Variants in CAMK2G observed in about 807,000 individuals in gnomAD.
CAMK2G encodes the protein calcium/calmodulin dependent protein kinase II gamma.
CAMK2G carries 23 observed loss-of-function variants against 88.7 expected under a neutral mutation model. The observed-to-expected ratio is 0.26, with a 90% CI of 0.19 to 0.37. The LOEUF is 0.37. Among genes scored for constraint, CAMK2G ranks in the 10% least tolerant of loss-of-function variants. The pLI is 1.00. For synonymous variants in CAMK2G, 263 were observed against 294.8 expected (o/e 0.89, Z 1.11); for missense variants, 476 against 780.8 (o/e 0.61, Z 4.65).
At chr10:73,844,222 T>A (rs564939813) in intron 10 of CAMK2G, among the ~76,000 whole-genome samples, 1 of 151,790 alleles carries the variant, frequency 6.6e-6, no homozygotes, top group East Asian at 1.9e-4. Flanking sequence ...GCCTCCCAAG[T>A]AGCTAAGGCA....
chr10:73,837,185 A>C, intron 14 of CAMK2G: 4 of 428,574 alleles, frequency 9.3e-6, no homozygotes, highest in Non-Finnish European at 1.7e-5. Flanking sequence ...CTGGAGATGA[A>C]GCATCCGTGT....
chr10:73,819,396 C>A, intron 19 of CAMK2G, 136 bp downstream of exon 19: 1 of 686,858 alleles, frequency 1.5e-6, no homozygotes, highest in Non-Finnish European at 2.6e-6. Context: ...TACCCCCCAC[C>A]CCCAGCAGAG....
intron 14 of CAMK2G, among the ~76,000 whole-genome samples, chr10:73,835,960 G>A (rs1241504614): frequency 2.0e-5 from 3 of 151,936 alleles, no homozygotes; most frequent in South Asian, 2.1e-4. Context: ...TCAGACTCCC[G>A]AGTGGCTGGG....
chr10:73,816,560 A>G (rs1336881477), intron 21 of CAMK2G: 2 of 665,042 alleles, frequency 3.0e-6, no homozygotes, highest in East Asian at 1.4e-4. Context: ...TCCCAGGTTC[A>G]CATCATTCTC....
chr10:73,870,511 C>T (rs1390322831), intron 2 of CAMK2G, among the ~76,000 whole-genome samples: 1 of 152,188 alleles, frequency 6.6e-6, no homozygotes, highest in Non-Finnish European at 1.5e-5. Context: ...AACAGGTGAT[C>T]CCTCTCCCTG....
chr10:73,870,667 C>T (rs542398095), intron 2 of CAMK2G, among the ~76,000 whole-genome samples: 1 of 152,224 alleles, frequency 6.6e-6, no homozygotes, highest in Non-Finnish European at 1.5e-5. Flanking sequence ...TTCAGACCTT[C>T]ACAGATGACC....
chr10:73,860,140 C>T (rs1336478131), intron 3 of CAMK2G, among the ~76,000 whole-genome samples: 3 of 152,232 alleles, frequency 2.0e-5, no homozygotes, highest in African/African-American at 7.2e-5. Context: ...TCAGGGCCAA[C>T]GCTTTTGGCA....
At chr10:73,840,117 A>G (rs925635880) in intron 12 of CAMK2G, among the ~76,000 whole-genome samples, 1 of 152,006 alleles carries the variant, frequency 6.6e-6, no homozygotes, top group Non-Finnish European at 1.5e-5. Flanking sequence ...TTGTGCAGCT[A>G]AGTTTACTGG....
chr10:73,827,477 C>T (rs2091332026), intron 15 of CAMK2G, among the ~76,000 whole-genome samples: 2 of 152,080 alleles, frequency 1.3e-5, no homozygotes, highest in South Asian at 4.2e-4. Flanking sequence ...TCGCGCCCGG[C>T]CCCCACCTCT....
chr10:73,841,989 CCT>C (rs2134410639), intron 12 of CAMK2G, 178 bp downstream of exon 12: 1 of 639,736 alleles, frequency 1.6e-6, no homozygotes, highest in East Asian at 2.6e-5. Flanking sequence ...AGTCCAGCCC[CCT>C]GAATCTCAGG....
chr10:73,829,700 G>GGTGTGTGTGTGT lies in CAMK2G; in HGVS notation c.1054-1591_1054-1580dup, dbSNP rs60725888. ...TTATATTCATATATATAAGTAGTGG[G>GGTGTGTGTGTGT]GTGTGTGTGTGTGTGTGTGTGTGTG... is the stretch of plus-strand genomic sequence containing the variant. On this transcript the variant is annotated intron_variant, in intron 14 of 22. Transcript: ENST00000423381. Among the ~76,000 whole-genome samples, 467 of 138,436 alleles carry GGTGTGTGTGTGT rather than the reference G, an allele frequency of 3.4e-3. 4 individuals carry two copies. Among genetic ancestry groups the GGTGTGTGTGTGT allele is most frequent in the African/African-American group, 0.012 (445 of 36,974 alleles). The allele number at this position is 138,436 out of a possible 152,430, so 90.8% of individuals were successfully genotyped here. A position where few individuals can be genotyped will look rare whatever the true frequency, so the allele number is the denominator to read the frequency against.
chr10:73,873,292 G>A, intron 1 of CAMK2G: 1 of 1,263,258 alleles, frequency 7.9e-7, no homozygotes, highest in Non-Finnish European at 1.1e-6. Context: ...TGGGTGGCGT[G>A]CCGCGCTCCC....
intron 17 of CAMK2G, among the ~76,000 whole-genome samples, chr10:73,822,806 C>T (rs2089445055): frequency 6.6e-6 from 1 of 152,146 alleles, no homozygotes; most frequent in Admixed American, 6.6e-5. Context: ...TGAAAGAAGC[C>T]CTCTCCTGAC....
At chr10:73,871,222 T>C (rs1051794862) in intron 2 of CAMK2G, among the ~76,000 whole-genome samples, 1 of 150,664 alleles carries the variant, frequency 6.6e-6, no homozygotes, top group Non-Finnish European at 1.5e-5. Flanking sequence ...CAGGGAAAGA[T>C]ATCCATTGGG....
At chr10:73,832,210 C>G (rs1434498604) in intron 14 of CAMK2G, among the ~76,000 whole-genome samples, 1 of 152,154 alleles carries the variant, frequency 6.6e-6, no homozygotes, top group African/African-American at 2.4e-5. Context: ...CTTCAGTGGG[C>G]TTTCTTCCAG....
intron 2 of CAMK2G, among the ~76,000 whole-genome samples, chr10:73,865,973 T>A (rs1029058117): frequency 3.3e-4 from 49 of 147,330 alleles, no homozygotes; most frequent in South Asian, 1.5e-3. Context: ...GACCCACCCC[T>A]GCCGGCCTTC....
rs551922586 is a variant in CAMK2G at position 73,873,337 on chromosome 10, C to T, written c.66-254G>A. 612 of 1,354,866 alleles carry T rather than the reference C, an allele frequency of 4.5e-4. 4 individuals are homozygous for T. The South Asian group carries it at 8.9e-3, about 20-fold the overall frequency. The allele number at this position is 1,354,866 out of a possible 1,614,324, so 83.9% of individuals were successfully genotyped here. ...TCCAGTCCCTGGGCAAGGCAACAGC[C>T]TCCACCTCAGGCTGCACATCAGGAG... is the stretch of plus-strand genomic sequence containing the variant. On this transcript the variant is annotated intron_variant, in intron 1 of 22. Coordinates refer to ENST00000423381, the MANE Select transcript of CAMK2G (RefSeq NM_001367534.1).
chr10:73,840,535 G>A (rs2093690248), intron 12 of CAMK2G, among the ~76,000 whole-genome samples: 1 of 152,208 alleles, frequency 6.6e-6, no homozygotes, highest in Non-Finnish European at 1.5e-5. Flanking sequence ...TGTCTCCTCT[G>A]ACCCAAGGCA....
intron 22 of CAMK2G, 78 bp downstream of exon 22, chr10:73,814,925 C>T (rs1185587662): frequency 3.3e-5 from 33 of 1,007,660 alleles, no homozygotes; most frequent in Non-Finnish European, 4.7e-5. Flanking sequence ...CCAGGACCAC[C>T]TCCCAGCCTT....
Sources: allele counts gnomAD v4.1 joint callset (sites outside exome capture counted in the v4.1 genomes callset), GRCh38; gene constraint gnomAD v4.1.1; transcripts MANE v1.5; gene names NCBI Gene and HGNC (gene_info 2026-07-23, HGNC 2026-07-21).